The following TBC1D8 variants were observed in gnomAD, a reference collection of about 807,000 sequenced individuals.
The protein encoded by TBC1D8 is TBC1 domain family member 8.
A neutral mutation model predicts 118.8 loss-of-function variants in TBC1D8; 65 were observed. The observed-to-expected ratio is 0.55, with a 90% confidence interval of 0.45 to 0.67. TBC1D8 has a LOEUF of 0.67. Ranked by LOEUF, TBC1D8 falls within the 30% of genes least tolerant of loss-of-function variation. TBC1D8 has a pLI of 0.00. For synonymous variants in TBC1D8, 566 were observed against 595.8 expected (o/e 0.95, Z 0.73); for missense variants, 1,376 against 1,471.2 (o/e 0.94, Z 1.06).
chr2:101,077,913 T>G (rs940413628), intron 2 of TBC1D8, among the ~76,000 whole-genome samples: 1 of 152,178 alleles, frequency 6.6e-6, no homozygotes, highest in African/African-American at 2.4e-5. Context: ...CAATTACTCC[T>G]GCAGATAACA....
intron 17 of TBC1D8, 95 bp from the exon 18 acceptor site, chr2:101,011,635 G>T: frequency 7.7e-7 from 1 of 1,293,058 alleles, no homozygotes; most frequent in Non-Finnish European, 1.1e-6. Flanking sequence ...GGCTAAGCCA[G>T]CAGCTCCCAG....
chr2:101,011,638 G>T, intron 17 of TBC1D8, 98 bp from the exon 18 acceptor site: 1 of 1,277,154 alleles, frequency 7.8e-7, no homozygotes, highest in Non-Finnish European at 1.1e-6. Context: ...TAAGCCAGCA[G>T]CTCCCAGCCT....
intron 2 of TBC1D8, among the ~76,000 whole-genome samples, chr2:101,085,293 T>C (rs1259216676): frequency 1.3e-5 from 2 of 151,936 alleles, no homozygotes; most frequent in African/African-American, 4.8e-5. Flanking sequence ...ATTAAGAACA[T>C]GGTATGGCTG....
intron 11 of TBC1D8, 76 bp downstream of exon 11, chr2:101,032,192 G>T: frequency 1.5e-6 from 2 of 1,341,732 alleles, no homozygotes; most frequent in South Asian, 2.5e-5. Context: ...TTATAAACAG[G>T]ACTGATGAGA....
At chr2:101,125,144 C>T (rs1166555169) in intron 1 of TBC1D8, among the ~76,000 whole-genome samples, 4 of 152,186 alleles carry the variant, frequency 2.6e-5, no homozygotes, top group African/African-American at 9.7e-5. Flanking sequence ...CTCCGGCCAA[C>T]ATCACTTCCA....
At chr2:101,120,021 G>A in intron 1 of TBC1D8, among the ~76,000 whole-genome samples, 1 of 152,290 alleles carries the variant, frequency 6.6e-6, no homozygotes, top group East Asian at 1.9e-4. Flanking sequence ...GCCCAAGAGA[G>A]CTAGATCTCC....
chr2:101,112,817 A>C (rs1222315960), intron 1 of TBC1D8, among the ~76,000 whole-genome samples: 1 of 152,218 alleles, frequency 6.6e-6, no homozygotes, highest in Non-Finnish European at 1.5e-5. Context: ...ACTCATGAAG[A>C]CTAGAACAAT....
At chr2:101,051,830 G>A (rs534623524) in intron 4 of TBC1D8, among the ~76,000 whole-genome samples, 11 of 152,190 alleles carry the variant, frequency 7.2e-5, no homozygotes, top group Non-Finnish European at 1.6e-4. Flanking sequence ...CGAGGTTGTG[G>A]AGAAAAGGAA....
intron 2 of TBC1D8, among the ~76,000 whole-genome samples, chr2:101,076,682 C>T (rs767849747): frequency 8.5e-5 from 13 of 152,222 alleles, no homozygotes; most frequent in Admixed American, 5.2e-4. Context: ...AGGGCTGAAA[C>T]TGTGAAACTG....
At chr2:101,034,542 C>T (rs1178886089) in intron 9 of TBC1D8, among the ~76,000 whole-genome samples, 1 of 152,248 alleles carries the variant, frequency 6.6e-6, no homozygotes, top group East Asian at 1.9e-4. Flanking sequence ...GCCAGAGCTA[C>T]AGCCCAGGCC....
chr2:101,054,711 T>C (rs1165403933), intron 3 of TBC1D8, among the ~76,000 whole-genome samples: 1 of 134,162 alleles, frequency 7.5e-6, no homozygotes, highest in East Asian at 2.2e-4. Flanking sequence ...AGACGGAGTT[T>C]TGTTCTTGTT....
At chr2:101,082,402 C>T (rs1022288207) in intron 2 of TBC1D8, among the ~76,000 whole-genome samples, 2 of 152,128 alleles carry the variant, frequency 1.3e-5, no homozygotes, top group African/African-American at 2.4e-5. Flanking sequence ...AGCCAAAAAC[C>T]GGCCCTCCTG....
At chr2:101,011,095 G>T in intron 18 of TBC1D8, 69 bp from the exon 19 acceptor site, 2 of 1,464,676 alleles carry the variant, frequency 1.4e-6, no homozygotes, top group Non-Finnish European at 9.4e-7. Flanking sequence ...AGGAAACTAT[G>T]TAGGAGAGAG....
intron 5 of TBC1D8, among the ~76,000 whole-genome samples, chr2:101,041,352 T>C (rs922732898): frequency 6.6e-6 from 1 of 152,152 alleles, no homozygotes; most frequent in African/African-American, 2.4e-5. Context: ...TGTTCAGCCA[T>C]AAAAAAGGAA....
chr2:101,023,607 T>G lies in TBC1D8; in HGVS notation c.2521-1086A>C, dbSNP rs545354790. 3.5e-4 allele frequency: 154 copies of G among 440,184 alleles called. 2 individuals are homozygous for G. Among genetic ancestry groups the G allele is most frequent in the African/African-American group, 3.1e-3 (148 of 47,708 alleles). The allele number at this position is 440,184 out of a possible 1,614,324, so 27.3% of individuals were successfully genotyped here. A position where few individuals can be genotyped will look rare whatever the true frequency, so the allele number is the denominator to read the frequency against. The stretch of plus-strand genomic sequence containing the variant: ...CTCAATTCTGAACCACATGAATACA[T>G]TAACAATTTTTTTTAAGTTTTTTTT... On this transcript the variant is annotated intron_variant, in intron 15 of 19. Transcript: ENST00000409318.
intron 17 of TBC1D8, among the ~76,000 whole-genome samples, chr2:101,017,018 A>G (rs1363458053): frequency 6.6e-6 from 1 of 151,942 alleles, no homozygotes; most frequent in East Asian, 1.9e-4. Flanking sequence ...TGGCACATGT[A>G]TACATATGTA....
At chr2:101,139,392 C>T (rs1679002052) in intron 1 of TBC1D8, among the ~76,000 whole-genome samples, 1 of 152,144 alleles carries the variant, frequency 6.6e-6, no homozygotes, top group Non-Finnish European at 1.5e-5. Context: ...CCTACTTCCT[C>T]GCCACCCTCC....
At chr2:101,143,466 T>A (rs1187504890) in intron 1 of TBC1D8, among the ~76,000 whole-genome samples, 1 of 152,160 alleles carries the variant, frequency 6.6e-6, no homozygotes, top group Non-Finnish European at 1.5e-5. Flanking sequence ...CTCAAATTCA[T>A]ACACATGTGC....
At chr2:101,083,853 T>C (rs956447404) in intron 2 of TBC1D8, among the ~76,000 whole-genome samples, 2 of 152,128 alleles carry the variant, frequency 1.3e-5, no homozygotes, top group Admixed American at 6.6e-5. Flanking sequence ...CAATAAAATA[T>C]TAACTACGGT....
Sources: allele counts gnomAD v4.1 joint callset (sites outside exome capture counted in the v4.1 genomes callset), GRCh38; gene constraint gnomAD v4.1.1; transcripts MANE v1.5; gene names NCBI Gene and HGNC (gene_info 2026-07-23, HGNC 2026-07-21).